CHM: variants seen among roughly 807,000 people sequenced by gnomAD.
CHM encodes rab proteins geranylgeranyltransferase component A 1.
In CHM, 10 loss-of-function variants were observed where a neutral mutation model predicts 49.0. That is an observed-to-expected ratio of 0.20 (90% CI 0.13 to 0.35). The LOEUF (loss-of-function observed/expected upper bound fraction) is 0.35, where lower values mean the gene tolerates loss of function less well. CHM is among the 10% of genes least tolerant of loss of function. The probability of loss-of-function intolerance (pLI) is 1.00; values close to 1 mark genes in which losing one functional copy is unlikely to be tolerated. For synonymous variants in CHM, 184 were observed against 167.5 expected (o/e 1.10, Z -0.76); for missense variants, 455 against 478.4 (o/e 0.95, Z 0.46).
chrX:85,982,949 G>A (rs185739308), intron 2 of CHM, among the ~76,000 whole-genome samples: 1 of 110,527 alleles, frequency 9.0e-6, no homozygotes, highest in African/African-American at 3.3e-5. Context: ...ACCAGCCTGT[G>A]CAAAATAGCA....
In CHM at chrX:85,879,828, G is replaced by T. The variant is rs374631164; in HGVS notation, c.1511-765C>A. ...TTATTTGGGATGAGATACAATAATG[G>T]CAGAAAGAATATATTAGAGAACAGT... is the stretch of plus-strand genomic sequence containing the variant. On this transcript the variant is annotated intron_variant, in intron 12 of 14. Transcript: ENST00000357749. Among the ~76,000 whole-genome samples, 200 of 110,222 alleles carry T rather than the reference G, an allele frequency of 1.8e-3. 2 individuals are homozygous for T. The highest frequency in any genetic ancestry group is 6.5e-3 in the African/African-American group (197 of 30,352).
chrX:86,038,042 C>T (rs1934316896), intron 1 of CHM, among the ~76,000 whole-genome samples: 1 of 111,709 alleles, frequency 9.0e-6, no homozygotes, highest in African/African-American at 3.3e-5. Flanking sequence ...AAATTATGTA[C>T]CTTGGGATTG....
At chrX:86,005,109 T>A (rs1255120613) in intron 2 of CHM, among the ~76,000 whole-genome samples, 1 of 111,884 alleles carries the variant, frequency 8.9e-6, no homozygotes, top group African/African-American at 3.3e-5. Context: ...ATTTAAAAAC[T>A]CACTCAAAAC....
chrX:85,942,051 G>T (rs1929137550), intron 8 of CHM, among the ~76,000 whole-genome samples: 1 of 111,290 alleles, frequency 9.0e-6, no homozygotes, highest in Non-Finnish European at 1.9e-5. Context: ...TAAATAATTT[G>T]CCCAATGATA....
At position 85,886,369 on chromosome X, in the gene CHM, G is replaced by T. The variant is rs1428096121; in HGVS notation, c.1511-7306C>A. 1.8e-4 allele frequency among the ~76,000 whole-genome samples: 20 copies of T among 111,761 alleles called. No homozygotes were observed. In the Admixed American group the frequency reaches 1.9e-3, roughly 11 times the overall value. On this transcript the variant is annotated intron_variant, in intron 12 of 14. Transcript: ENST00000357749. ...TTAAAACATGTTCTATTGTGCTCAG[G>T]ATATGCTTTATTCAAAAGGTATAGG...
chrX:85,955,949 T>A, intron 8 of CHM, among the ~76,000 whole-genome samples: 1 of 112,384 alleles, frequency 8.9e-6, no homozygotes, highest in Non-Finnish European at 1.9e-5. Context: ...TATAGTATTT[T>A]TATCAAGCTC....
chrX:85,872,564 T>C (rs1230763330), intron 14 of CHM, among the ~76,000 whole-genome samples: 1 of 111,716 alleles, frequency 9.0e-6, no homozygotes, highest in Non-Finnish European at 1.9e-5. Flanking sequence ...AAGTTAACTA[T>C]GTAAAACTAC....
intron 14 of CHM, among the ~76,000 whole-genome samples, chrX:85,866,538 G>A (rs1399566813): frequency 8.9e-6 from 1 of 112,929 alleles, no homozygotes; most frequent in South Asian, 3.6e-4. Flanking sequence ...CTAGGGAACT[G>A]TTTAGTGGAG....
At chrX:85,931,320 A>C (rs1361994393) in intron 8 of CHM, among the ~76,000 whole-genome samples, 1 of 111,142 alleles carries the variant, frequency 9.0e-6, no homozygotes, top group Non-Finnish European at 1.9e-5. Flanking sequence ...AAATAGCAAA[A>C]AAATAAACAG....
intron 12 of CHM, among the ~76,000 whole-genome samples, chrX:85,881,252 T>C (rs2148128760): frequency 8.9e-6 from 1 of 111,908 alleles, no homozygotes; most frequent in East Asian, 2.8e-4. Context: ...ATTTGGGAAA[T>C]TATCTGATTT....
intron 8 of CHM, among the ~76,000 whole-genome samples, chrX:85,926,572 A>T (rs1928093307): frequency 9.0e-6 from 1 of 111,009 alleles, no homozygotes; most frequent in Admixed American, 9.6e-5. Context: ...TTGAAACTTC[A>T]GAAGGAAAAA....
Position 86,040,780 on chromosome X carries a change from C to A in CHM, c.49+6704G>T, listed in dbSNP as rs759483690. Among the ~76,000 whole-genome samples the A allele has an allele frequency of 8.0e-5, 9 of 112,043 alleles. No homozygotes were observed. The Admixed American group carries it at 8.5e-4, about 11-fold the overall frequency. ...CAGTATCTGTGATAAATTATCAACT[C>A]TTTTTACACCAAACCTTAAATGAAA... On this transcript the variant is annotated intron_variant, in intron 1 of 14. Coordinates refer to ENST00000357749, the MANE Select transcript of CHM (RefSeq NM_000390.4).
intron 7 of CHM, 63 bp downstream of exon 7, chrX:85,957,792 A>G: frequency 8.6e-7 from 1 of 1,167,412 alleles, no homozygotes; most frequent in Non-Finnish European, 1.2e-6. Context: ...AAATCAGAGC[A>G]AGCATATTAA....
chrX:85,980,554 T>C (rs1931535421), intron 3 of CHM, among the ~76,000 whole-genome samples: 1 of 112,227 alleles, frequency 8.9e-6, no homozygotes, highest in Non-Finnish European at 1.9e-5. Context: ...GCAATGGTGC[T>C]TGGCACATGA....
rs956949149 is a variant in CHM, at chrX:86,044,069, G to T, written c.49+3415C>A. On this transcript the variant is annotated intron_variant, in intron 1 of 14. Coordinates refer to ENST00000357749, the MANE Select transcript of CHM (RefSeq NM_000390.4). ...TACATGGTCTTCAAAAAGAAAGAAGGATGCAATGAAAAGCCTACATTGTCT... is the reference window on the plus strand; with the variant it reads ...TACATGGTCTTCAAAAAGAAAGAAGTATGCAATGAAAAGCCTACATTGTCT... Among the ~76,000 whole-genome samples the T allele has an allele frequency of 4.5e-5, 5 of 111,804 alleles. 1 individual carries two copies. The highest frequency in any genetic ancestry group is 1.6e-4 in the African/African-American group (5 of 30,760).
At chrX:85,980,778 A>T (rs1416072263) in intron 3 of CHM, among the ~76,000 whole-genome samples, 1 of 111,046 alleles carries the variant, frequency 9.0e-6, no homozygotes, top group Non-Finnish European at 1.9e-5. Context: ...AAGCTCCATA[A>T]CTGACTCTCC....
Position 85,892,912 on chromosome X carries a change from T to C in CHM, c.1510+1276A>G, listed in dbSNP as rs188332331. Among the ~76,000 whole-genome samples the C allele has an allele frequency of 4.2e-3, 468 of 111,579 alleles. 3 individuals carry two copies. The highest frequency in any genetic ancestry group is 7.0e-3 in the Non-Finnish European group (373 of 53,147). On this transcript the variant is annotated intron_variant, in intron 12 of 14. Coordinates refer to ENST00000357749, the MANE Select transcript of CHM (RefSeq NM_000390.4). ...AGTAACACTTACGTTTACTCAAATA[T>C]TTTTTTACAAAAAATTTTTTTCTAG...
chrX:85,879,136 G>A, intron 12 of CHM, 73 bp from the exon 13 acceptor site: 1 of 733,524 alleles, frequency 1.4e-6, no homozygotes, highest in Non-Finnish European at 2.1e-6. Flanking sequence ...CATTAAGCTG[G>A]TATTATGGAT....
intron 8 of CHM, among the ~76,000 whole-genome samples, chrX:85,932,402 A>G (rs537615761): frequency 8.9e-6 from 1 of 112,275 alleles, no homozygotes; most frequent in African/African-American, 3.2e-5. Context: ...TACATGTCCA[A>G]GGAAAATTAT....
Sources: allele counts gnomAD v4.1 joint callset (sites outside exome capture counted in the v4.1 genomes callset), GRCh38; gene constraint gnomAD v4.1.1; transcripts MANE v1.5; gene names NCBI Gene and HGNC (gene_info 2026-07-23, HGNC 2026-07-21).